The following GTPBP4 variants were observed in gnomAD, a reference collection of about 807,000 sequenced individuals.
GTPBP4 encodes the protein GTP-binding protein 4.
GTPBP4 carries 15 observed loss-of-function variants against 81.7 expected under a neutral mutation model. The ratio of observed to expected loss-of-function variants is 0.18; its 90% CI spans 0.12 to 0.28. The LOEUF (loss-of-function observed/expected upper bound fraction) is 0.28, where lower values mean the gene tolerates loss of function less well. Among genes scored for constraint, GTPBP4 ranks in the 10% least tolerant of loss-of-function variants. The pLI, the probability that GTPBP4 is intolerant of heterozygous loss-of-function variation, is 1.00. For missense variants in GTPBP4, 847 were observed against 793.8 expected (o/e 1.07, Z -0.81); for synonymous variants, 272 against 274.6 (o/e 0.99, Z 0.09).
rs545431527 is a variant in GTPBP4 at position 1,017,344 on chromosome 10, G to A, written c.*117G>A. On this transcript the variant is annotated 3_prime_UTR_variant, in exon 17 of 17. Coordinates refer to ENST00000360803, the MANE Select transcript of GTPBP4 (RefSeq NM_012341.3). ...AACTGAAAAAGACAAAATAAGTAAA[G>A]CACTTGTTGCTTTGCTGAAAACTAT... The A allele has an allele frequency of 5.2e-6, 5 of 965,886 alleles. No individual in the cohort carries two copies. The highest frequency in any genetic ancestry group is 2.4e-5 in the East Asian group (1 of 41,212). The allele number at this position is 965,886 out of a possible 1,614,324, so 59.8% of individuals were successfully genotyped here. A position where few individuals can be genotyped will look rare whatever the true frequency, so the allele number is the denominator to read the frequency against.
In GTPBP4 at chr10:1,007,224, C is replaced by T. The variant is rs73590164; in HGVS notation, c.1113+96C>T. ...GAAGCCTCCCATCCAGCTTCACACA[C>T]TCGCAGGTGGATATTGTGGGTGGGC... On this transcript the variant is annotated intron_variant, in intron 10 of 16. Transcript: ENST00000360803. 3.7e-4 allele frequency: 257 copies of T among 697,732 alleles called. No homozygotes were observed. The African/African-American group carries it at 3.8e-3, about 10-fold the overall frequency. 43.2% of individuals were successfully genotyped at this position (697,732 alleles called of 1,614,324 possible).
intron 13 of GTPBP4, 124 bp downstream of exon 13, chr10:1,010,644 ACT>A: frequency 2.8e-6 from 2 of 706,524 alleles, no homozygotes; most frequent in East Asian, 2.7e-5. Flanking sequence ...CTCCATCCTG[ACT>A]CTGCCCCCTG....
At chr10:988,880 T>G in intron 1 of GTPBP4, 1 of 243,314 alleles carries the variant, frequency 4.1e-6, no homozygotes, top group Non-Finnish European at 8.0e-6. Flanking sequence ...GGAGGAAGCG[T>G]TCCGTGGTCC....
At chr10:992,733 G>T (rs781275805) in intron 2 of GTPBP4, 74 bp downstream of exon 2, 3 of 828,288 alleles carry the variant, frequency 3.6e-6, no homozygotes, top group African/African-American at 1.7e-5. Context: ...CCAGTTTGGT[G>T]TACTCATTTG....
intron 1 of GTPBP4, 176 bp downstream of exon 1, chr10:988,703 C>T (rs752426859): frequency 1.6e-6 from 1 of 610,180 alleles, no homozygotes; most frequent in Admixed American, 2.7e-5. Flanking sequence ...CCAGCAGAAT[C>T]CGGGGTCCAC....
rs776925501 is a variant in GTPBP4, at chr10:1,014,212, A to G, written c.1543-35A>G. ...GTTTTTTTCAACATTTCATCAAACT[A>G]ATTTAAAGCTAATATTTCTTTTTAT... is the stretch of plus-strand genomic sequence containing the variant. On this transcript the variant is annotated intron_variant, in intron 14 of 16. Transcript: ENST00000360803. 3.2e-5 allele frequency: 43 copies of G among 1,342,228 alleles called. 1 individual carries two copies. In the South Asian group the frequency reaches 4.3e-4, roughly 14 times the overall value. The allele number at this position is 1,342,228 out of a possible 1,614,324, so 83.1% of individuals were successfully genotyped here. A position where few individuals can be genotyped will look rare whatever the true frequency, so the allele number is the denominator to read the frequency against.
chr10:1,004,114 G>T (rs1007187984), intron 8 of GTPBP4, among the ~76,000 whole-genome samples: 1 of 152,148 alleles, frequency 6.6e-6, no homozygotes, highest in Non-Finnish European at 1.5e-5. Flanking sequence ...GGGAAGCAGG[G>T]TAGAGCTGTA....
rs554995485 is a variant in GTPBP4 at position 1,018,372 on chromosome 10, C to G, written c.*1145C>G. On this transcript the variant is annotated 3_prime_UTR_variant, in exon 17 of 17. Transcript: ENST00000360803. ...CCCAGAGGCGGAGGTTGCAGTGAGCCGAGATCGTGCCACTGCACTCCAGCC... is the reference window on the plus strand; with the variant it reads ...CCCAGAGGCGGAGGTTGCAGTGAGCGGAGATCGTGCCACTGCACTCCAGCC... The G allele has an allele frequency of 1.7e-4, 25 of 150,254 alleles. No individual in the cohort carries two copies. Among genetic ancestry groups the G allele is most frequent in the African/African-American group, 6.2e-4 (25 of 40,540 alleles). The allele number at this position is 150,254 out of a possible 1,614,324, so 9.3% of individuals were successfully genotyped here.
chr10:1,014,167 T>G (rs1412806975), intron 14 of GTPBP4, 80 bp from the exon 15 acceptor site: 3 of 821,048 alleles, frequency 3.7e-6, no homozygotes, highest in Non-Finnish European at 6.3e-6. Flanking sequence ...AAAATATGTA[T>G]ACATATATAT....
rs1831463158 is a variant in GTPBP4, at chr10:992,499, A to G, written c.59A>G (p.Asp20Gly). Reference protein sequence around the residue: ...TVVPSAKDFIDLTLSKTQRKT... With the variant: ...TVVPSAKDFIGLTLSKTQRKT... ...TTTCTTTAATTGCAGGACTTCATAG[A>G]CCTCACGTTGTCGAAGACTCAACGA... The change falls in exon 2 of 17, where the codon GAC becomes GGC. Residue 20 changes from aspartate (D) to glycine (G), a missense_variant. Around this residue, in one of 3 missense-constraint regions of GTPBP4, gnomAD observed 241 missense variants for 216.3 expected, o/e 1.11. Coordinates refer to ENST00000360803, the MANE Select transcript of GTPBP4 (RefSeq NM_012341.3). The G allele has an allele frequency of 6.3e-7, 1 of 1,594,076 alleles. No individual in the cohort carries two copies. The highest frequency in any genetic ancestry group is 8.6e-7 in the Non-Finnish European group (1 of 1,162,268).
Position 1,011,000 on chromosome 10 carries a change from TC to T in GTPBP4, c.1344+487del, listed in dbSNP as rs61351128. Reference sequence around the variant, plus strand: ...CCTGACTGTGCCTCCTGCACCACCTTCCCCCCCACCCTGTGTCTCCGCCAGG... The same window carrying T: ...CCTGACTGTGCCTCCTGCACCACCTTCCCCCCACCCTGTGTCTCCGCCAGG... On this transcript the variant is annotated intron_variant, in intron 13 of 16. Transcript: ENST00000360803. 6.9e-4 allele frequency among the ~76,000 whole-genome samples: 70 copies of T among 101,640 alleles called. 1 individual carries two copies. In the East Asian group the frequency reaches 7.0e-3, roughly 10 times the overall value. The allele number at this position is 101,640 out of a possible 152,430, so 66.7% of individuals were successfully genotyped here. A position where few individuals can be genotyped will look rare whatever the true frequency, so the allele number is the denominator to read the frequency against.
At chr10:1,007,851 C>T (rs530015374) in intron 10 of GTPBP4, 187 of 510,534 alleles carry the variant, frequency 3.7e-4, no homozygotes, top group Non-Finnish European at 6.1e-4. Flanking sequence ...ATGCTGGGTG[C>T]GGTTGAGCAT....
chr10:1,001,108 C>A, intron 8 of GTPBP4, 95 bp downstream of exon 8: 1 of 775,028 alleles, frequency 1.3e-6, no homozygotes, highest in Non-Finnish European at 2.3e-6. Context: ...TTTAGCAATA[C>A]TAGTCCACAA....
Position 1,018,020 on chromosome 10 carries a change from A to ACGT in GTPBP4, c.*793_*794insCGT, listed in dbSNP as rs930566288. 1.3e-5 allele frequency: 2 copies of ACGT among 152,262 alleles called. No homozygotes were observed. Among genetic ancestry groups the ACGT allele is most frequent in the African/African-American group, 4.8e-5 (2 of 41,466 alleles). 9.4% of individuals were successfully genotyped at this position (152,262 alleles called of 1,614,324 possible). On this transcript the variant is annotated 3_prime_UTR_variant, in exon 17 of 17. Transcript: ENST00000360803. Reference sequence around the variant, plus strand: ...TGCTCCTGGAGCTCCAAAGACACACAGGGGTCCAAGAGCCACCACGGATAA... The same window carrying ACGT: ...TGCTCCTGGAGCTCCAAAGACACACACGTGGGGTCCAAGAGCCACCACGGATAA...
intron 15 of GTPBP4, among the ~76,000 whole-genome samples, chr10:1,015,510 AG>A (rs1184299783): frequency 3.2e-4 from 36 of 111,246 alleles, no homozygotes; most frequent in African/African-American, 1.2e-3. Context: ...TGGGGTCCTG[AG>A]CTCTGAGCCT....
intron 11 of GTPBP4, 70 bp downstream of exon 11, chr10:1,009,105 C>A: frequency 8.4e-7 from 1 of 1,197,346 alleles, no homozygotes; most frequent in Non-Finnish European, 1.2e-6. Flanking sequence ...ATCGTGGGGG[C>A]CTGGGGCATC....
At chr10:999,140 T>G in intron 6 of GTPBP4, 45 bp downstream of exon 6, 1 of 1,128,362 alleles carries the variant, frequency 8.9e-7, no homozygotes, top group Non-Finnish European at 1.3e-6. Context: ...TATTTTGAGT[T>G]GGAGTTTCAC....
chr10:997,178 T>C lies in GTPBP4; in HGVS notation c.461-30T>C, dbSNP rs747711083. 157 of 1,260,270 alleles carry C rather than the reference T, an allele frequency of 1.2e-4. 3 individuals carry two copies. In the South Asian group the frequency reaches 1.8e-3, roughly 14 times the overall value. The allele number at this position is 1,260,270 out of a possible 1,614,324, so 78.1% of individuals were successfully genotyped here. On this transcript the variant is annotated intron_variant, in intron 4 of 16. Transcript: ENST00000360803. ...TAAAGCAAATCTTAAACTTTGAATT[T>C]CTTAATTTTTCAATTTGAACTTTTC...
At chr10:1,011,596 T>C (rs1222441777) in intron 13 of GTPBP4, among the ~76,000 whole-genome samples, 1 of 152,026 alleles carries the variant, frequency 6.6e-6, no homozygotes, top group Non-Finnish European at 1.5e-5. Flanking sequence ...ATGTTGCCAC[T>C]CCTTGGTTCC....
Sources: allele counts gnomAD v4.1 joint callset (sites outside exome capture counted in the v4.1 genomes callset), GRCh38; gene constraint gnomAD v4.1.1; regional missense constraint gnomAD v4.1.1; transcripts MANE v1.5; gene names NCBI Gene and HGNC (gene_info 2026-07-23, HGNC 2026-07-21).